The following NAV1 variants were observed in gnomAD, a reference collection of about 807,000 sequenced individuals.
The protein encoded by NAV1 is neuron navigator 1, also known as pore membrane and/or filament interacting like protein 3.
Under a neutral mutation model 175.2 loss-of-function variants are expected in NAV1, and 18 were observed. That is an observed-to-expected ratio of 0.10 (90% CI 0.07 to 0.15). The LOEUF (loss-of-function observed/expected upper bound fraction) is 0.15, where lower values mean the gene tolerates loss of function less well. Among genes scored for constraint, NAV1 ranks in the 10% least tolerant of loss-of-function variants. The probability of loss-of-function intolerance (pLI) is 1.00; values close to 1 mark genes in which losing one functional copy is unlikely to be tolerated. For missense variants in NAV1, 1,731 were observed against 2,436.6 expected (o/e 0.71, Z 6.10); for synonymous variants, 897 against 978.7 (o/e 0.92, Z 1.56).
chr1:201,774,099 G>A (rs553047474), intron 3 of NAV1, among the ~76,000 whole-genome samples: 1 of 152,206 alleles, frequency 6.6e-6, no homozygotes, highest in South Asian at 2.1e-4. Flanking sequence ...TCACCTCCTC[G>A]TGAATTTAGG....
chr1:201,766,327 A>G (rs1267951920), intron 3 of NAV1, among the ~76,000 whole-genome samples: 1 of 152,160 alleles, frequency 6.6e-6, no homozygotes, highest in African/African-American at 2.4e-5. Flanking sequence ...GCCAAACCAC[A>G]GACATGTAAT....
At chr1:201,642,900 G>A (rs1396149119) in intron 2 of NAV1, among the ~76,000 whole-genome samples, 2 of 151,496 alleles carry the variant, frequency 1.3e-5, no homozygotes, top group Non-Finnish European at 2.9e-5. Context: ...CTCCCAAGTA[G>A]CTGGGACTAC....
At chr1:201,632,762 G>C (rs1668513571) in intron 2 of NAV1, among the ~76,000 whole-genome samples, 1 of 152,224 alleles carries the variant, frequency 6.6e-6, no homozygotes, top group Admixed American at 6.5e-5. Flanking sequence ...GATATATAGA[G>C]AGAATGGGTG....
chr1:201,793,763 T>C (rs771310466), intron 13 of NAV1, 29 bp from the exon 18 acceptor site: 2 of 1,605,954 alleles, frequency 1.2e-6, no homozygotes, highest in African/African-American at 2.7e-5. Flanking sequence ...CTTATGCAAC[T>C]TAGCAATCTC....
At chr1:201,641,202 C>G (rs898245655) in intron 2 of NAV1, among the ~76,000 whole-genome samples, 3 of 152,214 alleles carry the variant, frequency 2.0e-5, no homozygotes, top group African/African-American at 7.2e-5. Context: ...CTTTCCCACA[C>G]ACCCACATTT....
chr1:201,756,856 CTTTCTTTCTTTCTT>C (rs1674528636), intron 3 of NAV1, among the ~76,000 whole-genome samples: 1 of 119,440 alleles, frequency 8.4e-6, no homozygotes, highest in African/African-American at 3.7e-5. Flanking sequence ...TTCTTTCTTT[CTTTCTTTCTTTCTT>C]TCTTTCTTTC....
rs1345252506 is a variant in NAV1, at chr1:201,788,645, C to T, written c.3166+7C>T. The T allele has an allele frequency of 4.4e-6, 7 of 1,606,836 alleles. No homozygotes were observed. The highest frequency in any genetic ancestry group is 6.0e-6 in the Non-Finnish European group (7 of 1,175,944). ...CGAGACCCCACGGACGATGGTGAGA[C>T]TTCATGCTAGCGCGGTTCACGCTCA... On this transcript the variant is annotated splice_region_variant and intron_variant, in intron 10 of 29. Transcript: ENST00000367296. This position sits in a 1 kb window ranked among gnomAD's most constrained non-coding sequence, Gnocchi z 5.7.
At position 201,639,099 on chromosome 1, in the gene NAV1, T is replaced by C. The variant is rs543915795; in HGVS notation, c.5-9535T>C. 3.9e-5 allele frequency among the ~76,000 whole-genome samples: 6 copies of C among 152,320 alleles called. No individual in the cohort carries two copies. In the South Asian group the frequency reaches 1.2e-3, roughly 32 times the overall value. ...GGGGAGAATTGGATTTGAATTCATA[T>C]AACAGAAGGCATTCAGGAAAAGGGC... On this transcript the variant is annotated intron_variant, in intron 2 of 29. Transcript: ENST00000367302.
At position 201,800,764 on chromosome 1, in the gene NAV1, G is replaced by GTATA. The variant is rs534384153; in HGVS notation, c.3518-2827_3518-2824dup. 1.4e-3 allele frequency among the ~76,000 whole-genome samples: 202 copies of GTATA among 147,714 alleles called. 1 individual carries two copies. Among genetic ancestry groups the GTATA allele is most frequent in the African/African-American group, 4.6e-3 (186 of 40,400 alleles). ...TATACAAACAAACATATATGGATAC[G>GTATA]TATATTCATTTTTACACAAATAAAG... On this transcript the variant is annotated intron_variant, in intron 15 of 29. Transcript: ENST00000367296.
At chr1:201,824,006 C>T (rs981755318) in exon 30 of NAV1, 4 of 151,936 alleles carry the variant, frequency 2.6e-5, no homozygotes, top group African/African-American at 9.7e-5. Context: ...CTGAAGGGGA[C>T]TCAGTCCTCC....
chr1:201,540,182 T>C (rs909902000), intron 1 of NAV1, among the ~76,000 whole-genome samples: 1 of 151,916 alleles, frequency 6.6e-6, no homozygotes, highest in South Asian at 2.1e-4. Context: ...AGGGGTGACG[T>C]CCACCCGGCA....
exon 21 of NAV1, chr1:201,809,196 G>A: frequency 6.2e-7 from 1 of 1,613,924 alleles, no homozygotes; most frequent in East Asian, 2.2e-5. Context: ...CAGTACTTGT[G>A]GTCCAAAGGA....
At chr1:201,784,707 A>G (rs1331845522) in intron 7 of NAV1, among the ~76,000 whole-genome samples, 1 of 151,480 alleles carries the variant, frequency 6.6e-6, no homozygotes, top group Non-Finnish European at 1.5e-5. Flanking sequence ...TAGTGCCATA[A>G]TATGATCTTT....
chr1:201,811,776 A>C lies in NAV1; in HGVS notation c.4952+19A>C, dbSNP rs748636925. ...ATAAATGGTAAGTAAGCTGGGATCA[A>C]GACAAAATTCATCGAAGTGGGAGGA... On this transcript the variant is annotated intron_variant, in intron 25 of 29. Coordinates refer to ENST00000367296, the Ensembl canonical transcript of NAV1. 97 of 1,603,592 alleles carry C rather than the reference A, an allele frequency of 6.0e-5. No homozygotes were observed. The highest frequency in any genetic ancestry group is 4.0e-4 in the Admixed American group (24 of 59,378).
intron 3 of NAV1, among the ~76,000 whole-genome samples, chr1:201,769,162 G>A (rs562468519): frequency 2.6e-5 from 4 of 152,158 alleles, no homozygotes; most frequent in South Asian, 2.1e-4. Context: ...ATGAGATATC[G>A]CTGGCTGCAG....
Position 201,808,595 on chromosome 1 carries a change from C to T in NAV1, c.4023C>T (p.Thr1341=). 1 of 1,614,212 alleles carries T rather than the reference C, an allele frequency of 6.2e-7. No homozygotes were observed. The highest frequency in any genetic ancestry group is 8.5e-7 in the Non-Finnish European group (1 of 1,180,044). ...ACCAACTGGATCAGCTTCGGGAGAC[C>T]ATGCACAACATGCAGGTCAGTGTCT... is the stretch of plus-strand genomic sequence containing the variant. Residue 1341 remains threonine (T), a synonymous_variant, in exon 19 of 30, where the codon ACC becomes ACT. Coordinates refer to ENST00000367296, the Ensembl canonical transcript of NAV1. The surrounding 1 kb of genome is among the most constrained non-coding windows in gnomAD (Gnocchi z 5.5).
chr1:201,552,501 G>C (rs201724605), intron 1 of NAV1, among the ~76,000 whole-genome samples: 2 of 151,724 alleles, frequency 1.3e-5, no homozygotes, highest in East Asian at 1.9e-4. Context: ...CTGACATTGG[G>C]CTCTGACGCA....
rs114720114 is a variant in NAV1, at chr1:201,570,387, C to A, written c.-143-18152C>A. Among the ~76,000 whole-genome samples, 661 of 152,372 alleles carry A rather than the reference C, an allele frequency of 4.3e-3. 7 individuals are homozygous for A. The highest frequency in any genetic ancestry group is 0.015 in the African/African-American group (611 of 41,600). Reference sequence around the variant, plus strand: ...GGGGCATCTGGTCACCACCCCCAACCCTTGCCTCTTGCCCTGCAGGCCCAG... The same window carrying A: ...GGGGCATCTGGTCACCACCCCCAACACTTGCCTCTTGCCCTGCAGGCCCAG... On this transcript the variant is annotated intron_variant, in intron 1 of 33. Coordinates refer to the NAV1 transcript ENST00000685211.
intron 3 of NAV1, among the ~76,000 whole-genome samples, chr1:201,736,821 C>G (rs908475420): frequency 6.6e-6 from 1 of 152,068 alleles, no homozygotes; most frequent in Non-Finnish European, 1.5e-5. Flanking sequence ...CCTTTTTCCT[C>G]TCTCCCTCTT....
Sources: gnomAD v4.1 joint callset for allele counts (sites outside exome capture counted in the v4.1 genomes callset) on GRCh38, gnomAD v4.1.1 for gene constraint, Gnocchi (gnomAD v3.1) non-coding constraint, MANE v1.5 for transcripts, NCBI Gene and HGNC (gene_info 2026-07-23, HGNC 2026-07-21) for gene names.